The following PLB1 variants were observed in gnomAD, a reference collection of about 807,000 sequenced individuals.
PLB1 encodes the protein phospholipase B1.
A neutral mutation model predicts 227.4 loss-of-function variants in PLB1; 242 were observed. The ratio of observed to expected loss-of-function variants is 1.06; its 90% confidence interval spans 0.96 to 1.18. The LOEUF is 1.18. Among genes scored for constraint, PLB1 ranks in the 50% most tolerant of loss-of-function variants. The pLI, the probability that PLB1 is intolerant of heterozygous loss-of-function variation, is 0.00. For missense variants in PLB1, 1,858 were observed against 1,816.3 expected (o/e 1.02, Z -0.42); for synonymous variants, 757 against 682.2 (o/e 1.11, Z -1.71).
rs746813792 is a variant in PLB1, at chr2:28,630,694, C to T, written c.3897+30C>T. 8.2e-6 allele frequency: 13 copies of T among 1,584,824 alleles called. No homozygotes were observed. The East Asian group carries it at 2.3e-4, about 28-fold the overall frequency. ...GCCCTGCAGCCCTTCTCTTACTGACCCAGCTGGGGGGCCCCCTGTACTCCA... is the reference window on the plus strand; with the variant it reads ...GCCCTGCAGCCCTTCTCTTACTGACTCAGCTGGGGGGCCCCCTGTACTCCA... On this transcript the variant is annotated intron_variant, in intron 54 of 57. Coordinates refer to ENST00000327757, the MANE Select transcript of PLB1 (RefSeq NM_153021.5).
intron 33 of PLB1, chr2:28,596,072 T>G (rs550153988): frequency 2.0e-5 from 3 of 152,362 alleles, no homozygotes; most frequent in Non-Finnish European, 4.4e-5. Context: ...AAGTTGCCTT[T>G]GTTTTATTAA....
intron 6 of PLB1, among the ~76,000 whole-genome samples, chr2:28,528,208 T>A (rs574841341): frequency 6.6e-6 from 1 of 152,236 alleles, no homozygotes; most frequent in East Asian, 1.9e-4. Context: ...TCAGCCTCCT[T>A]CACAGGGAGC....
At chr2:28,515,879 A>C (rs924161713) in intron 1 of PLB1, among the ~76,000 whole-genome samples, 1 of 152,214 alleles carries the variant, frequency 6.6e-6, no homozygotes, top group African/African-American at 2.4e-5. Context: ...ATAAGCATCA[A>C]AATTATGTAA....
intron 41 of PLB1, 107 bp downstream of exon 41, chr2:28,604,866 C>T (rs557732042): frequency 1.1e-5 from 11 of 1,007,580 alleles, no homozygotes; most frequent in African/African-American, 1.6e-5. Context: ...AGACACAGCT[C>T]TCCAGACGCT....
chr2:28,639,136 A>C (rs1363979249), intron 56 of PLB1, among the ~76,000 whole-genome samples: 1 of 151,670 alleles, frequency 6.6e-6, no homozygotes, highest in Non-Finnish European at 1.5e-5. Flanking sequence ...GGTAGAAAAG[A>C]GTGTAAGGCC....
chr2:28,590,356 C>G (rs1049244321), intron 29 of PLB1, among the ~76,000 whole-genome samples: 3 of 152,128 alleles, frequency 2.0e-5, no homozygotes, highest in African/African-American at 7.2e-5. Flanking sequence ...AGCATGGCAG[C>G]CACATCTACC....
intron 3 of PLB1, among the ~76,000 whole-genome samples, chr2:28,519,182 C>G (rs1024080438): frequency 6.7e-6 from 1 of 150,278 alleles, no homozygotes; most frequent in African/African-American, 2.4e-5. Flanking sequence ...GCCAATCACT[C>G]AAGTGGGTCC....
At chr2:28,551,474 G>T (rs990948551) in intron 16 of PLB1, among the ~76,000 whole-genome samples, 15 of 152,338 alleles carry the variant, frequency 9.8e-5, no homozygotes, top group Non-Finnish European at 1.6e-4. Flanking sequence ...AAAAGGGTGA[G>T]ATTTGCTCCA....
In PLB1 at chr2:28,582,488, C is replaced by T. The variant is rs760198864; in HGVS notation, c.1716C>T (p.Cys572=). 7.1e-5 allele frequency: 114 copies of T among 1,608,162 alleles called. No homozygotes were observed. Among genetic ancestry groups the T allele is most frequent in the Admixed American group, 2.4e-4 (14 of 59,520 alleles). Residue 572 remains cysteine (C), a synonymous_variant, in exon 25 of 58, where the codon TGC becomes TGT. Transcript: ENST00000327757. The part of the protein sequence containing the change: ...RELYQEKKVY[C]PRMILRSLCP... The stretch of plus-strand genomic sequence containing the variant: ...TGTACCAGGAGAAAAAAGTCTACTG[C>T]CCAAGGATGATCCTCAGGTCAGACA...
At chr2:28,611,230 A>G (rs1192080415) in intron 43 of PLB1, among the ~76,000 whole-genome samples, 1 of 152,132 alleles carries the variant, frequency 6.6e-6, no homozygotes, top group Non-Finnish European at 1.5e-5. Context: ...CTTGACCTCT[A>G]GCCCTCTAGC....
chr2:28,563,651 GC>G (rs1180068845), intron 18 of PLB1, among the ~76,000 whole-genome samples: 4 of 151,750 alleles, frequency 2.6e-5, no homozygotes, highest in Non-Finnish European at 5.9e-5. Flanking sequence ...TTCTGCATCT[GC>G]CCCCGGGTGA....
chr2:28,611,143 C>T (rs762234772), intron 43 of PLB1, among the ~76,000 whole-genome samples: 2 of 152,140 alleles, frequency 1.3e-5, no homozygotes, highest in Admixed American at 1.3e-4. Flanking sequence ...TGAGGCACCC[C>T]GGCTGCCTGT....
At chr2:28,526,252 C>G (rs964444664) in intron 6 of PLB1, among the ~76,000 whole-genome samples, 4 of 151,966 alleles carry the variant, frequency 2.6e-5, no homozygotes, top group Non-Finnish European at 5.9e-5. Context: ...GGCCAGAGTC[C>G]TGAGTTTCCT....
At chr2:28,590,455 G>T (rs534944518) in intron 29 of PLB1, among the ~76,000 whole-genome samples, 3 of 152,272 alleles carry the variant, frequency 2.0e-5, no homozygotes, top group Admixed American at 6.5e-5. Flanking sequence ...CTGCCTCCAT[G>T]ACAATATGGG....
intron 21 of PLB1, among the ~76,000 whole-genome samples, chr2:28,575,335 C>T (rs1022004774): frequency 6.6e-6 from 1 of 152,120 alleles, no homozygotes; most frequent in Non-Finnish European, 1.5e-5. Context: ...CCATTCATGT[C>T]TTTTGCCCAC....
chr2:28,580,937 C>T lies in PLB1; in HGVS notation c.1567-1131C>T, dbSNP rs543102505. ...CCCCAGCCCCCAGGCCCCTCACAAC[C>T]CACTTTCTTGGCATCAAAGTCACCA... On this transcript the variant is annotated intron_variant, in intron 23 of 57. Transcript: ENST00000327757. 7.9e-5 allele frequency among the ~76,000 whole-genome samples: 12 copies of T among 152,212 alleles called. No homozygotes were observed. The South Asian group carries it at 2.5e-3, about 32-fold the overall frequency.
At chr2:28,563,843 C>G (rs941990877) in intron 18 of PLB1, among the ~76,000 whole-genome samples, 2 of 152,178 alleles carry the variant, frequency 1.3e-5, no homozygotes. Flanking sequence ...TCCCCAAGAA[C>G]AAGCAGACAC....
chr2:28,607,630 G>A (rs1272586726), intron 43 of PLB1, among the ~76,000 whole-genome samples: 1 of 152,146 alleles, frequency 6.6e-6, no homozygotes, highest in African/African-American at 2.4e-5. Flanking sequence ...TCTAGTCCAG[G>A]TGGTCAGGTG....
rs1156329267 is a variant in PLB1 at position 28,643,113 on chromosome 2, C to T, written c.*52C>T. 1.4e-5 allele frequency: 20 copies of T among 1,464,562 alleles called. No homozygotes were observed. The Admixed American group carries it at 4.0e-4, about 29-fold the overall frequency. The allele number at this position is 1,464,562 out of a possible 1,614,324, so 90.7% of individuals were successfully genotyped here. On this transcript the variant is annotated 3_prime_UTR_variant, in exon 58 of 58. Coordinates refer to ENST00000327757, the MANE Select transcript of PLB1 (RefSeq NM_153021.5). ...CTCCCTATAGCCACTCTCTTCACCG[C>T]CCTCTGCCCCAGCCACTCCCGGCCA...
Sources: allele counts gnomAD v4.1 joint callset (sites outside exome capture counted in the v4.1 genomes callset), GRCh38; gene constraint gnomAD v4.1.1; transcripts MANE v1.5; gene names NCBI Gene and HGNC (gene_info 2026-07-23, HGNC 2026-07-21).